The following DECR1 variants were observed in gnomAD, a reference collection of about 807,000 sequenced individuals.
DECR1 encodes the protein 2,4-dienoyl-CoA reductase [(3E)-enoyl-CoA-producing], mitochondrial.
In DECR1, 44 loss-of-function variants were observed where a neutral mutation model predicts 38.8. That is an observed-to-expected ratio of 1.13 (90% confidence interval 0.89 to 1.46). The LOEUF (loss-of-function observed/expected upper bound fraction) is 1.46. DECR1 is among the 40% of genes most tolerant of loss of function. The pLI, the probability that DECR1 is intolerant of heterozygous loss-of-function variation, is 0.00. For synonymous variants in DECR1, 148 were observed against 135.2 expected (o/e 1.09, Z -0.66); for missense variants, 428 against 405.5 (o/e 1.06, Z -0.48).
chr8:90,032,643 A>T (rs113736268), intron 5 of DECR1, among the ~76,000 whole-genome samples: 31 of 152,312 alleles, frequency 2.0e-4, no homozygotes, highest in African/African-American at 7.2e-4. Context: ...CCTCAGAACA[A>T]CAAGAATATT....
intron 7 of DECR1, among the ~76,000 whole-genome samples, chr8:90,043,044 T>G (rs1813801928): frequency 6.6e-6 from 1 of 152,160 alleles, no homozygotes; most frequent in Admixed American, 6.6e-5. Flanking sequence ...TTGGGATCTT[T>G]TATACCATCA....
chr8:90,027,408 GTATTGGGTGCA>G (rs1342927630), intron 5 of DECR1, among the ~76,000 whole-genome samples: 2 of 152,122 alleles, frequency 1.3e-5, no homozygotes, highest in Admixed American at 1.3e-4. Context: ...GGGTGCTCCT[GTATTGGGTGCA>G]TATATGTTTA....
chr8:90,013,250 G>C (rs1812928683), intron 1 of DECR1, among the ~76,000 whole-genome samples: 1 of 152,112 alleles, frequency 6.6e-6, no homozygotes, highest in Non-Finnish European at 1.5e-5. Context: ...TTCCATATGA[G>C]AGACTATTAT....
intron 6 of DECR1, among the ~76,000 whole-genome samples, chr8:90,039,206 G>T (rs1813690195): frequency 6.6e-6 from 1 of 152,100 alleles, no homozygotes. Context: ...TGACCCATAT[G>T]CCTTGGCTGT....
At chr8:90,024,231 C>T (rs1393126460) in intron 5 of DECR1, among the ~76,000 whole-genome samples, 19 of 152,132 alleles carry the variant, frequency 1.2e-4, no homozygotes, top group Admixed American at 6.6e-5. Context: ...GGGTATATAC[C>T]CAGTAATGGG....
intron 1 of DECR1, among the ~76,000 whole-genome samples, chr8:90,002,319 A>G (rs547978786): frequency 6.6e-6 from 1 of 152,090 alleles, no homozygotes; most frequent in East Asian, 1.9e-4. Context: ...AAACAAAAAC[A>G]AAACCCCAGC....
chr8:90,017,948 A>G (rs1405710308), intron 2 of DECR1, among the ~76,000 whole-genome samples: 4 of 152,254 alleles, frequency 2.6e-5, no homozygotes, highest in African/African-American at 9.6e-5. Flanking sequence ...GTGCAGTGGC[A>G]TGATCTCAGC....
At chr8:90,043,851 T>C (rs1329071699) in intron 7 of DECR1, among the ~76,000 whole-genome samples, 1 of 152,140 alleles carries the variant, frequency 6.6e-6, no homozygotes, top group Non-Finnish European at 1.5e-5. Flanking sequence ...TATCTGAAAA[T>C]AGGCTTATAG....
chr8:90,034,322 T>C (rs919507990), intron 5 of DECR1, among the ~76,000 whole-genome samples: 3 of 152,196 alleles, frequency 2.0e-5, no homozygotes, highest in Admixed American at 6.5e-5. Context: ...TTTGATCCTT[T>C]TGCAAATATT....
chr8:90,022,028 A>G (rs1165151967), intron 5 of DECR1, among the ~76,000 whole-genome samples: 1 of 152,194 alleles, frequency 6.6e-6, no homozygotes, highest in Non-Finnish European at 1.5e-5. Context: ...AGCAGGCCCT[A>G]TACTCATGCT....
intron 2 of DECR1, among the ~76,000 whole-genome samples, chr8:90,018,186 C>T (rs1813058272): frequency 6.6e-6 from 1 of 152,214 alleles, no homozygotes; most frequent in Non-Finnish European, 1.5e-5. Flanking sequence ...CCGCGCCCAG[C>T]CAGTACTTTC....
rs200975812 is a variant in DECR1 at position 90,034,426 on chromosome 8, G to GTTTA, written c.566-2403_566-2400dup. ...AGATTACCCTTTTAAGCCTTTATTT[G>GTTTA]TTTATTTATTTATTTGTTTGTTTGT... is the stretch of plus-strand genomic sequence containing the variant. On this transcript the variant is annotated intron_variant, in intron 5 of 9. Transcript: ENST00000220764. Among the ~76,000 whole-genome samples, 21 of 151,506 alleles carry GTTTA rather than the reference G, an allele frequency of 1.4e-4. 1 individual carries two copies. The East Asian group carries it at 3.7e-3, about 26-fold the overall frequency.
chr8:90,040,295 T>A (rs1192592654), intron 6 of DECR1, among the ~76,000 whole-genome samples: 1 of 152,160 alleles, frequency 6.6e-6, no homozygotes, highest in Non-Finnish European at 1.5e-5. Context: ...TTTATGTATG[T>A]TCTGTCTGAA....
intron 1 of DECR1, among the ~76,000 whole-genome samples, chr8:90,001,980 G>A (rs447796): frequency 0.041 from 6,248 of 152,228 alleles, 188 homozygotes; most frequent in Non-Finnish European, 0.066. Flanking sequence ...CAGAGAGAGA[G>A]GACCACCAGG....
chr8:90,029,578 G>T (rs530145376), intron 5 of DECR1: 54 of 152,402 alleles, frequency 3.5e-4, no homozygotes, highest in Admixed American at 2.9e-3. Flanking sequence ...AGTTTTCAAG[G>T]CCAGAGGCCT....
chr8:90,031,896 C>T (rs1813504371), intron 5 of DECR1, among the ~76,000 whole-genome samples: 2 of 151,876 alleles, frequency 1.3e-5, no homozygotes, highest in Non-Finnish European at 2.9e-5. Context: ...TAAAGTTAAA[C>T]AAGGATTAAA....
intron 6 of DECR1, among the ~76,000 whole-genome samples, chr8:90,037,724 C>T (rs931556112): frequency 4.6e-5 from 7 of 152,166 alleles, no homozygotes; most frequent in Non-Finnish European, 1.0e-4. Context: ...GCTGGGATTA[C>T]AGGCATGAGC....
chr8:90,048,260 A>G (rs966862086), intron 8 of DECR1, among the ~76,000 whole-genome samples: 6 of 152,182 alleles, frequency 3.9e-5, no homozygotes, highest in African/African-American at 1.4e-4. Context: ...TTTTTTTTGA[A>G]AAGACCAAAA....
At chr8:90,016,759 C>G (rs1249204074) in intron 1 of DECR1, 1 of 225,764 alleles carries the variant, frequency 4.4e-6, no homozygotes, top group East Asian at 1.3e-4. Flanking sequence ...TTACTATGTG[C>G]TACACACTGC....
Sources: allele counts gnomAD v4.1 joint callset (sites outside exome capture counted in the v4.1 genomes callset), GRCh38; gene constraint gnomAD v4.1.1; transcripts MANE v1.5; gene names NCBI Gene and HGNC (gene_info 2026-07-23, HGNC 2026-07-21).